Variants in SORCS1 observed in about 807,000 individuals in gnomAD.
The protein encoded by SORCS1 is VPS10 domain-containing receptor SorCS1.
A neutral mutation model predicts 146.1 loss-of-function variants in SORCS1; 60 were observed. That is an observed-to-expected ratio of 0.41 (90% confidence interval 0.33 to 0.51). The LOEUF is 0.51. Among genes scored for constraint, SORCS1 ranks in the 20% least tolerant of loss-of-function variants. The pLI, the probability that SORCS1 is intolerant of heterozygous loss-of-function variation, is 0.21. For synonymous variants in SORCS1, 637 were observed against 584.0 expected, an observed-to-expected ratio of 1.09 and a Z score of -1.31; for missense variants, 1,352 against 1,487.6, an observed-to-expected ratio of 0.91 and a Z score of 1.50.
At chr10:107,142,659 A>C (rs988021177) in intron 1 of SORCS1, among the ~76,000 whole-genome samples, 1 of 152,124 alleles carries the variant, frequency 6.6e-6, no homozygotes, top group Non-Finnish European at 1.5e-5. Flanking sequence ...ATCCCTCTCA[A>C]TCATTAGTAC....
chr10:106,753,521 G>A (rs1858412218), intron 5 of SORCS1, among the ~76,000 whole-genome samples: 1 of 152,090 alleles, frequency 6.6e-6, no homozygotes, highest in Non-Finnish European at 1.5e-5. Flanking sequence ...AATGATACGA[G>A]TCAGAATCAG....
At chr10:106,745,798 A>G (rs920096266) in intron 5 of SORCS1, among the ~76,000 whole-genome samples, 23 of 152,322 alleles carry the variant, frequency 1.5e-4, no homozygotes, top group African/African-American at 5.3e-4. Flanking sequence ...AAAAAAAGTA[A>G]CTTTGCAATG....
chr10:106,904,320 A>G (rs1326247443), intron 2 of SORCS1, among the ~76,000 whole-genome samples: 1 of 152,212 alleles, frequency 6.6e-6, no homozygotes, highest in Admixed American at 6.5e-5. Context: ...GAATATCTTC[A>G]GCTCTAATCA....
chr10:106,959,414 C>T (rs1955118043), intron 1 of SORCS1, among the ~76,000 whole-genome samples: 1 of 152,194 alleles, frequency 6.6e-6, no homozygotes, highest in South Asian at 2.1e-4. Flanking sequence ...TTTTTCCCTT[C>T]ACTGCCTCTG....
At chr10:106,801,615 C>T (rs958371445) in intron 3 of SORCS1, among the ~76,000 whole-genome samples, 14 of 150,406 alleles carry the variant, frequency 9.3e-5, no homozygotes, top group South Asian at 2.1e-4. Flanking sequence ...TGCAAAGCTC[C>T]GCCTCCCAGG....
intron 1 of SORCS1, among the ~76,000 whole-genome samples, chr10:107,149,621 T>C (rs965922134): frequency 6.6e-6 from 1 of 152,230 alleles, no homozygotes; most frequent in East Asian, 1.9e-4. Flanking sequence ...TGCACGTGCA[T>C]GCGCATTCTT....
intron 1 of SORCS1, among the ~76,000 whole-genome samples, chr10:106,998,086 C>T (rs957352153): frequency 2.0e-5 from 3 of 152,218 alleles, no homozygotes; most frequent in Non-Finnish European, 4.4e-5. Context: ...TGTGCAAAGC[C>T]TCCTTGTGCG....
At chr10:106,823,977 C>T (rs1948173357) in intron 3 of SORCS1, among the ~76,000 whole-genome samples, 1 of 152,134 alleles carries the variant, frequency 6.6e-6, no homozygotes, top group African/African-American at 2.4e-5. Flanking sequence ...GGTGGCAGAT[C>T]CTATCAACCA....
chr10:107,015,962 T>C (rs1957879414), intron 1 of SORCS1, among the ~76,000 whole-genome samples: 1 of 141,396 alleles, frequency 7.1e-6, no homozygotes, highest in African/African-American at 2.5e-5. Context: ...AAACCACTTA[T>C]ACCACAAACC....
chr10:106,915,125 A>C (rs1952352235), intron 2 of SORCS1, among the ~76,000 whole-genome samples: 1 of 152,108 alleles, frequency 6.6e-6, no homozygotes, highest in South Asian at 2.1e-4. Flanking sequence ...TCTCAAACTG[A>C]CCTCAAAGTC....
At chr10:106,829,106 T>C (rs1170072020) in intron 3 of SORCS1, among the ~76,000 whole-genome samples, 2 of 152,232 alleles carry the variant, frequency 1.3e-5, no homozygotes, top group Non-Finnish European at 2.9e-5. Context: ...TCCTGACATT[T>C]GTGTGCAGAC....
Position 106,685,726 on chromosome 10 carries a change from T to C in SORCS1, c.1560+2466A>G, listed in dbSNP as rs1852780139. 2.0e-5 allele frequency among the ~76,000 whole-genome samples: 3 copies of C among 152,094 alleles called. No individual in the cohort carries two copies. In the South Asian group the frequency reaches 6.2e-4, roughly 31 times the overall value. On this transcript the variant is annotated intron_variant, in intron 10 of 25. Transcript: ENST00000263054. ...GAGGCTGGAGACCAGGGAGGAGAAC[T>C]ACACAGGGGCCAGATCACATGGGGC... is the stretch of plus-strand genomic sequence containing the variant.
intron 6 of SORCS1, among the ~76,000 whole-genome samples, chr10:106,726,185 C>CTTTTTTTTT (rs1169402270): frequency 1.5e-5 from 1 of 66,298 alleles, no homozygotes; most frequent in Non-Finnish European, 2.8e-5. Context: ...CTTTCCCTCT[C>CTTTTTTTTT]TTTTTTTTTT....
At chr10:107,038,120 G>A (rs949304995) in intron 1 of SORCS1, among the ~76,000 whole-genome samples, 38 of 152,186 alleles carry the variant, frequency 2.5e-4, no homozygotes, top group African/African-American at 9.2e-4. Context: ...ACTGCACCCG[G>A]CCCTTTATTT....
intron 24 of SORCS1, among the ~76,000 whole-genome samples, chr10:106,585,043 T>C (rs1845141757): frequency 6.6e-6 from 1 of 150,958 alleles, no homozygotes; most frequent in East Asian, 1.9e-4. Context: ...TAGGCTTCAC[T>C]TGAAAAAAAA....
intron 5 of SORCS1, among the ~76,000 whole-genome samples, chr10:106,760,480 A>G (rs2136243562): frequency 6.7e-6 from 1 of 150,188 alleles, no homozygotes; most frequent in African/African-American, 2.4e-5. Context: ...AAGAGAGATC[A>G]GAGCTCTCTC....
At chr10:106,952,957 T>G (rs946963118) in intron 2 of SORCS1, among the ~76,000 whole-genome samples, 2 of 151,994 alleles carry the variant, frequency 1.3e-5, no homozygotes, top group Non-Finnish European at 2.9e-5. Context: ...CACTCCAGCC[T>G]GGGTGACAGG....
chr10:107,150,446 A>G (rs1384637675), intron 1 of SORCS1, among the ~76,000 whole-genome samples: 1 of 152,198 alleles, frequency 6.6e-6, no homozygotes, highest in Non-Finnish European at 1.5e-5. Context: ...AAGCCATCAC[A>G]CATGCAAGAG....
chr10:106,990,906 A>C (rs2139479636), intron 1 of SORCS1, among the ~76,000 whole-genome samples: 1 of 70,056 alleles, frequency 1.4e-5, no homozygotes, highest in Middle Eastern at 7.4e-3. Flanking sequence ...ACTCTTTTGC[A>C]AAATGAATGA....
Sources: gnomAD v4.1 joint callset for allele counts (sites outside exome capture counted in the v4.1 genomes callset) on GRCh38, gnomAD v4.1.1 for gene constraint, MANE v1.5 for transcripts, NCBI Gene and HGNC (gene_info 2026-07-23, HGNC 2026-07-21) for gene names.